The following PGC variants were observed in gnomAD, a reference collection of about 807,000 sequenced individuals.
The protein encoded by PGC is gastricsin.
In PGC, 31 loss-of-function variants were observed where a neutral mutation model predicts 45.9. That is an observed-to-expected ratio of 0.67 (90% CI 0.51 to 0.91). PGC has a LOEUF of 0.91. Ranked by LOEUF, PGC falls within the 40% of genes least tolerant of loss-of-function variation. PGC has a pLI of 0.00. For missense variants in PGC, 477 were observed against 493.2 expected (o/e 0.97, Z 0.31); for synonymous variants, 192 against 201.8 (o/e 0.95, Z 0.41).
At chr6:41,741,854 A>G in intron 5 of PGC, 9 of 1,527,382 alleles carry the variant, frequency 5.9e-6, no homozygotes, top group Admixed American at 2.0e-5. Context: ...CTAGAACAAT[A>G]GATAAAAGGA....
Position 41,739,710 on chromosome 6 carries a change from C to T in PGC, c.915+89G>A, listed in dbSNP as rs1401638248. ...TTGGGATTACAGGCATGAGCCACGG[C>T]GCCCAGCTGGCTATTGTGTTCCCAG... is the stretch of plus-strand genomic sequence containing the variant. On this transcript the variant is annotated intron_variant, in intron 7 of 8. Transcript: ENST00000373025. 1.0e-5 allele frequency: 14 copies of T among 1,365,868 alleles called. No homozygotes were observed. The Admixed American group carries it at 1.1e-4, about 11-fold the overall frequency. The allele number at this position is 1,365,868 out of a possible 1,614,324, so 84.6% of individuals were successfully genotyped here.
At position 41,744,859 on chromosome 6, in the gene PGC, C is replaced by A; in HGVS notation, c.60-51G>T. 2 of 1,518,208 alleles carry A rather than the reference C, an allele frequency of 1.3e-6. No homozygotes were observed. Among genetic ancestry groups the A allele is most frequent in the East Asian group, 4.7e-5 (2 of 42,708 alleles). 94.0% of individuals were successfully genotyped at this position (1,518,208 alleles called of 1,614,324 possible). On this transcript the variant is annotated intron_variant, in intron 1 of 8. Transcript: ENST00000373025. The surrounding 1 kb of genome is among the most constrained non-coding windows in gnomAD (Gnocchi z 4.4). Reference sequence around the variant, plus strand: ...AGGCCCTCCCTCCTTCCTCTCTTCCCACTCCTCTCTTTCTCTCTCTCCTTC... The same window carrying A: ...AGGCCCTCCCTCCTTCCTCTCTTCCAACTCCTCTCTTTCTCTCTCTCCTTC...
At chr6:41,746,366 A>T (rs532409092) in intron 1 of PGC, among the ~76,000 whole-genome samples, 1 of 152,306 alleles carries the variant, frequency 6.6e-6, no homozygotes, top group East Asian at 1.9e-4. Flanking sequence ...TGCTCCTCTC[A>T]GGACACCAGG....
chr6:41,743,390 C>T lies in PGC; in HGVS notation c.329-1G>A, dbSNP rs1235236428. The T allele has an allele frequency of 6.2e-7, 1 of 1,601,222 alleles. No individual in the cohort carries two copies. The highest frequency in any genetic ancestry group is 8.6e-7 in the Non-Finnish European group (1 of 1,168,436). ...CTGGGGTTGAAGCGGGAGTGACTGG[C>T]TGCAGGGGAGTCAGGGCATGGGGAG... On this transcript the variant is annotated splice_acceptor_variant, in intron 3 of 8. Coordinates refer to ENST00000373025, the MANE Select transcript of PGC (RefSeq NM_002630.4). LOFTEE classifies it high-confidence loss of function.
At chr6:41,741,977 G>A in intron 5 of PGC, 1 of 717,058 alleles carries the variant, frequency 1.4e-6, no homozygotes, top group Non-Finnish European at 2.4e-6. Context: ...TGTCCAAGGG[G>A]TGCTGAGAAT....
At chr6:41,743,950 C>T (rs183336974) in intron 3 of PGC, among the ~76,000 whole-genome samples, 55 of 152,268 alleles carry the variant, frequency 3.6e-4, no homozygotes, top group Middle Eastern at 6.8e-3. Flanking sequence ...CACTATAGTA[C>T]GGAGCCCACA....
chr6:41,740,040 C>A (rs998695923), intron 6 of PGC, 94 bp from the exon 7 acceptor site: 33 of 1,149,002 alleles, frequency 2.9e-5, no homozygotes, highest in Non-Finnish European at 4.0e-5. Flanking sequence ...AGAGCTACAG[C>A]TACTTTCTTG....
intron 4 of PGC, 49 bp from the exon 5 acceptor site, chr6:41,742,538 C>T: frequency 2.1e-6 from 3 of 1,415,168 alleles, no homozygotes; most frequent in Non-Finnish European, 3.0e-6. Context: ...CTCCACTCAC[C>T]TCCTCCAGGT....
intron 7 of PGC, 83 bp downstream of exon 7, chr6:41,739,716 G>T: frequency 7.1e-7 from 1 of 1,409,046 alleles, no homozygotes. Context: ...ACGGCGCCCA[G>T]CTGGCTATTG....
intron 7 of PGC, among the ~76,000 whole-genome samples, chr6:41,739,487 C>T (rs558483566): frequency 4.1e-4 from 63 of 151,904 alleles, no homozygotes; most frequent in Non-Finnish European, 7.5e-4. Context: ...AGTGAGATCA[C>T]GGCTCACTGC....
Position 41,737,840 on chromosome 6 carries a change from A to C in PGC, c.916-12T>G. On this transcript the variant is annotated splice_polypyrimidine_tract_variant and intron_variant, in intron 7 of 8. Coordinates refer to ENST00000373025, the MANE Select transcript of PGC (RefSeq NM_002630.4). Reference sequence around the variant, plus strand: ...CAGTTCACGAGAAACTGCAAGAGGAATAGGTCCCTGGTTAACTCATCCTCC... The same window carrying C: ...CAGTTCACGAGAAACTGCAAGAGGACTAGGTCCCTGGTTAACTCATCCTCC... 6.5e-7 allele frequency: 1 copy of C among 1,536,216 alleles called. No individual in the cohort carries two copies. The highest frequency in any genetic ancestry group is 9.0e-7 in the Non-Finnish European group (1 of 1,109,354).
At chr6:41,741,489 C>T (rs1008732414) in intron 5 of PGC, among the ~76,000 whole-genome samples, 2 of 152,028 alleles carry the variant, frequency 1.3e-5, no homozygotes, top group African/African-American at 4.8e-5. Context: ...CTACTAAAAA[C>T]ACAAAAATTA....
In PGC at chr6:41,741,198, A is replaced by G. The variant is rs374618405; in HGVS notation, c.648-588T>C. 2.8e-4 allele frequency: 424 copies of G among 1,528,448 alleles called. 1 individual carries two copies. The African/African-American group carries it at 5.1e-3, about 18-fold the overall frequency. 94.7% of individuals were successfully genotyped at this position (1,528,448 alleles called of 1,614,324 possible). A position where few individuals can be genotyped will look rare whatever the true frequency, so the allele number is the denominator to read the frequency against. ...TGTTTGTTCCAGAGGCTTCTCTGGT[A>G]GCTGGAGTGTGGAGCTGGGTGGAGC... On this transcript the variant is annotated intron_variant, in intron 5 of 8. Coordinates refer to ENST00000373025, the MANE Select transcript of PGC (RefSeq NM_002630.4).
Position 41,742,891 on chromosome 6 carries a change from TG to T in PGC, c.447+379del, listed in dbSNP as rs1373912799. On this transcript the variant is annotated intron_variant, in intron 4 of 8. Coordinates refer to ENST00000373025, the MANE Select transcript of PGC (RefSeq NM_002630.4). The stretch of plus-strand genomic sequence containing the variant: ...TGCCCGCCTTGGCCTTCCAAAGTGC[TG>T]GGATTACAGGCGTGAGCCACCGTAG... 2.6e-5 allele frequency among the ~76,000 whole-genome samples: 4 copies of T among 152,200 alleles called. No individual in the cohort carries two copies. In the East Asian group the frequency reaches 7.7e-4, roughly 29 times the overall value.
chr6:41,740,124 G>A (rs184160071), intron 6 of PGC, among the ~76,000 whole-genome samples, 178 bp from the exon 7 acceptor site: 1 of 152,326 alleles, frequency 6.6e-6, no homozygotes, highest in East Asian at 1.9e-4. Context: ...GTCCTTAAAA[G>A]TGTCAAGGAA....
chr6:41,740,821 C>T, intron 5 of PGC: 2 of 1,429,332 alleles, frequency 1.4e-6, no homozygotes, highest in Non-Finnish European at 1.8e-6. Flanking sequence ...GGCTGTGTCC[C>T]TTAGACTGGG....
intron 7 of PGC, 38 bp from the exon 8 acceptor site, chr6:41,737,866 C>A (rs1771717373): frequency 1.6e-6 from 2 of 1,230,702 alleles, no homozygotes; most frequent in African/African-American, 1.5e-5. Flanking sequence ...CTCATCCTCC[C>A]CCTGATAGCA....
intron 6 of PGC, among the ~76,000 whole-genome samples, 179 bp downstream of exon 6, chr6:41,740,312 T>C (rs1159396705): frequency 6.6e-6 from 1 of 152,028 alleles, no homozygotes; most frequent in Non-Finnish European, 1.5e-5. Context: ...TCCACTCTCT[T>C]CTCCAGGCTG....
In PGC at chr6:41,736,718, G is replaced by T. The variant is rs571345145; in HGVS notation, c.*134C>A. The T allele has an allele frequency of 3.0e-4, 291 of 967,442 alleles. No individual in the cohort carries two copies. In the African/African-American group the frequency reaches 4.0e-3, roughly 13 times the overall value. 59.9% of individuals were successfully genotyped at this position (967,442 alleles called of 1,614,324 possible). A position where few individuals can be genotyped will look rare whatever the true frequency, so the allele number is the denominator to read the frequency against. On this transcript the variant is annotated 3_prime_UTR_variant, in exon 9 of 9. Transcript: ENST00000373025. ...ACAACAGGATGACCAACATAAAGAA[G>T]AACTATTTATTATTAGAGAAAGTCC... is the stretch of plus-strand genomic sequence containing the variant.
Sources: allele counts gnomAD v4.1 joint callset (sites outside exome capture counted in the v4.1 genomes callset), GRCh38; gene constraint gnomAD v4.1.1; non-coding constraint Gnocchi (gnomAD v3.1); transcripts MANE v1.5; gene names NCBI Gene and HGNC (gene_info 2026-07-23, HGNC 2026-07-21).